Variants in VOPP1 observed in about 807,000 individuals in gnomAD.
VOPP1 encodes the protein WW domain binding protein VOPP1.
VOPP1 carries 8 observed loss-of-function variants against 23.5 expected under a neutral mutation model. The observed-to-expected ratio is 0.34, with a 90% CI of 0.20 to 0.61. The LOEUF is 0.61. Ranked by LOEUF, VOPP1 falls within the 20% of genes least tolerant of loss-of-function variation. The pLI is 0.78. For missense variants in VOPP1, 174 were observed against 238.1 expected (o/e 0.73, Z 1.77); for synonymous variants, 83 against 97.3 (o/e 0.85, Z 0.86).
chr7:55,438,706 G>T (rs1030523496), intron 4 of VOPP1, among the ~76,000 whole-genome samples: 4 of 152,216 alleles, frequency 2.6e-5, no homozygotes, highest in Admixed American at 6.5e-5. Context: ...CTGACCATGG[G>T]TGAAACAGAA....
At chr7:55,503,646 G>C (rs149351383) in intron 2 of VOPP1, among the ~76,000 whole-genome samples, 1,672 of 152,324 alleles carry the variant, frequency 0.011, 11 homozygotes, top group Middle Eastern at 0.02. Context: ...GGGGCTTTTG[G>C]AAGGTGATCC....
intron 2 of VOPP1, among the ~76,000 whole-genome samples, chr7:55,520,054 G>C (rs894980624): frequency 5.3e-5 from 8 of 152,158 alleles, no homozygotes; most frequent in Admixed American, 2.6e-4. Flanking sequence ...CTTGAACTCA[G>C]GAGGCAGGGA....
chr7:55,510,484 T>C (rs1447753772), intron 2 of VOPP1, among the ~76,000 whole-genome samples: 1 of 152,190 alleles, frequency 6.6e-6, no homozygotes, highest in African/African-American at 2.4e-5. Flanking sequence ...CTTCATTATT[T>C]TGTCATGCTT....
chr7:55,473,918 C>CT (rs1562896178), intron 4 of VOPP1, among the ~76,000 whole-genome samples: 1 of 151,680 alleles, frequency 6.6e-6, no homozygotes, highest in South Asian at 2.1e-4. Flanking sequence ...GGTTTTTTTT[C>CT]TTTTTTTGCA....
chr7:55,439,569 A>G (rs1438727525), intron 4 of VOPP1, among the ~76,000 whole-genome samples: 1 of 152,268 alleles, frequency 6.6e-6, no homozygotes, highest in Admixed American at 6.5e-5. Context: ...AAGGGGTGAT[A>G]TAACACAGGA....
chr7:55,485,964 C>T (rs1793109538), intron 4 of VOPP1, among the ~76,000 whole-genome samples: 4 of 152,198 alleles, frequency 2.6e-5, no homozygotes, highest in South Asian at 4.1e-4. Context: ...GGAATGCAGC[C>T]AGCGAGGCGG....
intron 1 of VOPP1, 49 bp downstream of exon 1, chr7:55,572,222 A>G: frequency 6.8e-7 from 1 of 1,471,072 alleles, no homozygotes; most frequent in South Asian, 1.2e-5. Flanking sequence ...CCCAGCCGCC[A>G]GCATGGTGGG....
At chr7:55,548,573 A>C (rs1293208056) in intron 1 of VOPP1, among the ~76,000 whole-genome samples, 1 of 152,246 alleles carries the variant, frequency 6.6e-6, no homozygotes, top group Non-Finnish European at 1.5e-5. Flanking sequence ...CCACACTCCC[A>C]AACATGCTGT....
chr7:55,523,477 G>A (rs934650235), intron 1 of VOPP1, among the ~76,000 whole-genome samples: 1 of 151,802 alleles, frequency 6.6e-6, no homozygotes, highest in African/African-American at 2.4e-5. Flanking sequence ...TAACAGAGTC[G>A]AGGCCAGAGG....
At chr7:55,470,009 C>A (rs945748689), downstream of VOPP1, among the ~76,000 whole-genome samples, 3 of 152,134 alleles carry the variant, frequency 2.0e-5, no homozygotes, top group Non-Finnish European at 4.4e-5. Context: ...TGAACCACTG[C>A]ATGCCAGGCT....
At chr7:55,464,569 A>G (rs1487609520) in intron 4 of VOPP1, among the ~76,000 whole-genome samples, 1 of 152,108 alleles carries the variant, frequency 6.6e-6, no homozygotes, top group Non-Finnish European at 1.5e-5. Context: ...TGTTCTGGTG[A>G]CTGCCTCCCC....
chr7:55,435,616 A>G (rs712822), downstream of VOPP1, among the ~76,000 whole-genome samples: 55,459 of 152,064 alleles, frequency 0.36, 10,544 homozygotes, highest in East Asian at 0.52. Context: ...CTGGAAGGCT[A>G]TTCCATCCAT....
chr7:55,544,241 T>C (rs1797266294), intron 1 of VOPP1, among the ~76,000 whole-genome samples: 1 of 152,244 alleles, frequency 6.6e-6, no homozygotes, highest in Non-Finnish European at 1.5e-5. Context: ...TGGCCCAGCA[T>C]GCTTCTGTGT....
chr7:55,532,736 CCT>C (rs1423457795), intron 1 of VOPP1, among the ~76,000 whole-genome samples: 4 of 152,182 alleles, frequency 2.6e-5, no homozygotes, highest in Non-Finnish European at 5.9e-5. Context: ...TCTGGCACAC[CCT>C]GTCAGCATTC....
intron 1 of VOPP1, chr7:55,537,706 C>T (rs1012887293): frequency 1.7e-4 from 247 of 1,432,274 alleles, no homozygotes; most frequent in Non-Finnish European, 2.1e-4. Flanking sequence ...CCATGGAGGA[C>T]GCTACAAGGA....
chr7:55,565,731 T>C (rs1798142355), intron 1 of VOPP1, among the ~76,000 whole-genome samples: 1 of 149,892 alleles, frequency 6.7e-6, no homozygotes, highest in African/African-American at 2.5e-5. Context: ...TCAGGGTGAA[T>C]CTCCTGGCTG....
intron 4 of VOPP1, among the ~76,000 whole-genome samples, chr7:55,458,940 T>A (rs1011722835): frequency 6.6e-6 from 1 of 152,210 alleles, no homozygotes; most frequent in Non-Finnish European, 1.5e-5. Context: ...AATGTGGGCA[T>A]CCTGCTCTGG....
rs192095018 is a variant in VOPP1 at position 55,548,050 on chromosome 7, G to C, written c.54+24221C>G. Among the ~76,000 whole-genome samples, 349 of 152,306 alleles carry C rather than the reference G, an allele frequency of 2.3e-3. 5 individuals are homozygous for C. The highest frequency in any genetic ancestry group is 0.023 in the Admixed American group (346 of 15,300). On this transcript the variant is annotated intron_variant, in intron 1 of 4. Coordinates refer to ENST00000285279, the MANE Select transcript of VOPP1 (RefSeq NM_030796.5). ...ACCTAAGACCGTGACCGCAGATTCT[G>C]GGAATGGGAGGCAGGTGAATGGAGA...
intron 4 of VOPP1, among the ~76,000 whole-genome samples, chr7:55,475,984 G>T (rs1326191835): frequency 6.6e-6 from 1 of 152,192 alleles, no homozygotes; most frequent in Non-Finnish European, 1.5e-5. Flanking sequence ...CAGAAAGTCA[G>T]ACTCTCCCTA....
Sources: allele counts gnomAD v4.1 joint callset (sites outside exome capture counted in the v4.1 genomes callset), GRCh38; gene constraint gnomAD v4.1.1; transcripts MANE v1.5; gene names NCBI Gene and HGNC (gene_info 2026-07-23, HGNC 2026-07-21).